PPARGC1A: variants seen among roughly 807,000 people sequenced by gnomAD.
PPARGC1A encodes PPARG coactivator 1 alpha.
Under a neutral mutation model 88.7 loss-of-function variants are expected in PPARGC1A, and 25 were observed. The ratio of observed to expected loss-of-function variants is 0.28; its 90% confidence interval spans 0.21 to 0.39. PPARGC1A has a LOEUF of 0.39. Ranked by LOEUF, PPARGC1A falls within the 10% of genes least tolerant of loss-of-function variation. The pLI is 1.00. For missense variants in PPARGC1A, 880 were observed against 968.7 expected (o/e 0.91, Z 1.22); for synonymous variants, 363 against 355.6 (o/e 1.02, Z -0.24).
chr4:24,123,755 C>A, the PPARGC1A span, among the ~76,000 whole-genome samples: 4 of 152,020 alleles, frequency 2.6e-5, no homozygotes, highest in African/African-American at 9.7e-5. Flanking sequence ...TCTCTGACTT[C>A]CCGTAAGAAG....
At chr4:24,026,300 C>T in the PPARGC1A span, among the ~76,000 whole-genome samples, 2 of 152,110 alleles carry the variant, frequency 1.3e-5, no homozygotes, top group Non-Finnish European at 2.9e-5. Context: ...ATTTCTGATT[C>T]CTGCCATAGA....
intron 2 of PPARGC1A, among the ~76,000 whole-genome samples, chr4:23,844,725 T>TATAATATATGATATATC (rs1157289590): frequency 5.6e-4 from 51 of 90,520 alleles, no homozygotes; most frequent in African/African-American, 2.2e-3. Context: ...TATATATTAT[T>TATAATATATGATATATC]ATAATATATG....
the PPARGC1A span, among the ~76,000 whole-genome samples, chr4:23,948,141 A>T: frequency 2.6e-5 from 4 of 152,126 alleles, no homozygotes; most frequent in African/African-American, 9.7e-5. Context: ...TTTACTTTTA[A>T]ATTCATTCAT....
chr4:24,391,951 A>G, the PPARGC1A span, among the ~76,000 whole-genome samples: 2 of 152,132 alleles, frequency 1.3e-5, no homozygotes, highest in African/African-American at 4.8e-5. Context: ...TGCCCTGACA[A>G]AGGATACAGA....
chr4:24,216,533 G>A, the PPARGC1A span, among the ~76,000 whole-genome samples: 894 of 152,222 alleles, frequency 5.9e-3, 14 homozygotes, highest in Non-Finnish European at 7.8e-3. Context: ...AGATAATGAG[G>A]TTCTTTCATA....
At chr4:24,048,855 A>G in the PPARGC1A span, among the ~76,000 whole-genome samples, 80 of 152,126 alleles carry the variant, frequency 5.3e-4, no homozygotes, top group Non-Finnish European at 1.0e-3. Flanking sequence ...AATTTGATAC[A>G]CTAATTCCAA....
At chr4:23,933,812 C>T in the PPARGC1A span, among the ~76,000 whole-genome samples, 3 of 152,222 alleles carry the variant, frequency 2.0e-5, no homozygotes, top group Admixed American at 6.5e-5. Context: ...AGGGTATCAG[C>T]AGCTGCCAGC....
At chr4:24,459,505 A>G in the PPARGC1A span, among the ~76,000 whole-genome samples, 7 of 152,126 alleles carry the variant, frequency 4.6e-5, no homozygotes, top group Non-Finnish European at 1.0e-4. Context: ...GGAAAAAAAA[A>G]CTGGGCCAGG....
chr4:24,415,471 G>A, the PPARGC1A span, among the ~76,000 whole-genome samples: 1 of 152,164 alleles, frequency 6.6e-6, no homozygotes, highest in Non-Finnish European at 1.5e-5. Context: ...AGAGGCCAAA[G>A]GTTTTGATTC....
the PPARGC1A span, among the ~76,000 whole-genome samples, chr4:24,210,676 G>A: frequency 6.6e-6 from 1 of 152,222 alleles, no homozygotes; most frequent in Admixed American, 6.5e-5. Flanking sequence ...TGCACTCCCA[G>A]ATCAGCACAA....
At chr4:24,226,908 G>T in the PPARGC1A span, among the ~76,000 whole-genome samples, 1 of 152,106 alleles carries the variant, frequency 6.6e-6, no homozygotes, top group African/African-American at 2.4e-5. Flanking sequence ...GATGAGCTCG[G>T]TCACTCTCCC....
upstream of PPARGC1A, among the ~76,000 whole-genome samples, chr4:23,903,653 C>A (rs1277137040): frequency 2.0e-5 from 3 of 152,096 alleles, no homozygotes; most frequent in South Asian, 2.1e-4. Context: ...AAAACTGGAG[C>A]AGTGGATTAC....
At chr4:24,036,453 C>A in the PPARGC1A span, among the ~76,000 whole-genome samples, 1 of 152,104 alleles carries the variant, frequency 6.6e-6, no homozygotes, top group African/African-American at 2.4e-5. Flanking sequence ...ATATTTATAG[C>A]AGCTTTAATT....
chr4:24,085,281 G>A, the PPARGC1A span, among the ~76,000 whole-genome samples: 9 of 151,966 alleles, frequency 5.9e-5, no homozygotes, highest in African/African-American at 1.5e-4. Context: ...ACCATGATTC[G>A]GCTTTATTTT....
chr4:23,934,559 T>C, the PPARGC1A span, among the ~76,000 whole-genome samples: 1 of 152,196 alleles, frequency 6.6e-6, no homozygotes. Flanking sequence ...AGAGACTTCA[T>C]GAAGGAGATT....
At chr4:24,046,423 TC>T in the PPARGC1A span, among the ~76,000 whole-genome samples, 1 of 152,078 alleles carries the variant, frequency 6.6e-6, no homozygotes, top group African/African-American at 2.4e-5. Flanking sequence ...TCTTCCCCAC[TC>T]CCACTACCAC....
chr4:23,910,467 G>C, the PPARGC1A span, among the ~76,000 whole-genome samples: 1 of 132,050 alleles, frequency 7.6e-6, no homozygotes, highest in East Asian at 2.1e-4. Context: ...TTGACACAGA[G>C]TCTCGCTCTG....
upstream of PPARGC1A, among the ~76,000 whole-genome samples, chr4:23,902,563 G>C (rs1370807816): frequency 6.6e-6 from 1 of 152,192 alleles, no homozygotes; most frequent in Non-Finnish European, 1.5e-5. Flanking sequence ...AAAACATATA[G>C]AGAGTAATAA....
the PPARGC1A span, among the ~76,000 whole-genome samples, chr4:24,378,181 A>C: frequency 3.3e-5 from 5 of 152,112 alleles, no homozygotes; most frequent in Non-Finnish European, 7.4e-5. Context: ...TACTAAAAAT[A>C]CAAAAATTAG....
Sources: allele counts gnomAD v4.1 joint callset (sites outside exome capture counted in the v4.1 genomes callset), GRCh38; gene constraint gnomAD v4.1.1; transcripts MANE v1.5; gene names NCBI Gene and HGNC (gene_info 2026-07-23, HGNC 2026-07-21).